The following WSCD1 variants were observed in gnomAD, a reference collection of about 807,000 sequenced individuals.
WSCD1 encodes the protein sialate:O-sulfotransferase 1.
Under a neutral mutation model 60.4 loss-of-function variants are expected in WSCD1, and 41 were observed. The ratio of observed to expected loss-of-function variants is 0.68; its 90% CI spans 0.53 to 0.88. WSCD1 has a LOEUF of 0.88. Among genes scored for constraint, WSCD1 ranks in the 40% least tolerant of loss-of-function variants. The pLI is 0.00. For missense variants in WSCD1, 784 were observed against 796.2 expected (o/e 0.98, Z 0.18); for synonymous variants, 361 against 332.5 (o/e 1.09, Z -0.93).
Position 6,110,696 on chromosome 17 carries a change from T to A in WSCD1, c.1010-75T>A. ...ATGGGAGTCTTCGTTCATCAGTTCC[T>A]CTAAGGGAGTTTAGTGGTGAATTGG... On this transcript the variant is annotated intron_variant, in intron 6 of 8. Coordinates refer to ENST00000317744, the MANE Select transcript of WSCD1 (RefSeq NM_015253.2). The surrounding 1 kb of genome is among the most constrained non-coding windows in gnomAD (Gnocchi z 4.8). The A allele has an allele frequency of 2.6e-6, 4 of 1,528,938 alleles. No homozygotes were observed. The highest frequency in any genetic ancestry group is 2.7e-6 in the Non-Finnish European group (3 of 1,128,092). 94.7% of individuals were successfully genotyped at this position (1,528,938 alleles called of 1,614,324 possible). A position where few individuals can be genotyped will look rare whatever the true frequency, so the allele number is the denominator to read the frequency against.
At chr17:6,106,946 C>A (rs1017260707) in intron 5 of WSCD1, among the ~76,000 whole-genome samples, 8 of 152,128 alleles carry the variant, frequency 5.3e-5, no homozygotes, top group Non-Finnish European at 1.2e-4. Context: ...GCAAGGAAAC[C>A]ACTGCATTCA....
chr17:6,076,575 G>C (rs1025267138), intron 1 of WSCD1, among the ~76,000 whole-genome samples: 2 of 152,124 alleles, frequency 1.3e-5, no homozygotes, highest in Admixed American at 6.6e-5. Context: ...GAGTAGCGGA[G>C]GTTTCATGTC....
chr17:6,069,800 TGC>T (rs1491477815), upstream of WSCD1, among the ~76,000 whole-genome samples: 2,490 of 32,038 alleles, frequency 0.078, 27 homozygotes, highest in African/African-American at 0.18. Context: ...TGTGTGTGTG[TGC>T]GTGCGTGTGT....
chr17:6,096,688 G>A (rs983878256), intron 5 of WSCD1, among the ~76,000 whole-genome samples: 1 of 152,326 alleles, frequency 6.6e-6, no homozygotes, highest in African/African-American at 2.4e-5. Flanking sequence ...CCTCCTCATG[G>A]GAGCAGAGCG....
intron 5 of WSCD1, among the ~76,000 whole-genome samples, chr17:6,098,467 C>G (rs1187654589): frequency 6.6e-6 from 1 of 152,334 alleles, no homozygotes; most frequent in Middle Eastern, 3.4e-3. Context: ...TTGTCCATCT[C>G]CCCTCACAAC....
At position 6,120,407 on chromosome 17, in the gene WSCD1, G is replaced by C. The variant is rs1567563602; in HGVS notation, c.1474G>C (p.Glu492Gln). 10 of 1,614,064 alleles carry C rather than the reference G, an allele frequency of 6.2e-6. No individual in the cohort carries two copies. The highest frequency in any genetic ancestry group is 6.8e-6 in the Non-Finnish European group (8 of 1,180,038). ...GCGGCTGCTGGTGGTGCACTACGAG[G>C]AGCTGCGGCGCAGCCTGGTGCCCAC... ...GKRLLVVHYE[E>Q]LRRSLVPTLR... Residue 492 changes from glutamate (E) to glutamine (Q), a missense_variant, in exon 9 of 9, where the codon GAG becomes CAG. By Grantham distance (29) the Glu-to-Gln change is conservative. Transcript: ENST00000317744.
Position 6,122,746 on chromosome 17 carries a change from A to C in WSCD1, c.*2085A>C, listed in dbSNP as rs536429074. 6.6e-6 allele frequency: 1 copy of C among 152,452 alleles called. No homozygotes were observed. The highest frequency in any genetic ancestry group is 2.4e-5 in the African/African-American group (1 of 41,576). 9.4% of individuals were successfully genotyped at this position (152,452 alleles called of 1,614,324 possible). ...CTTTTCCTGGTAGTTGGATTGGTAC[A>C]TTCACTGCTGCCAGGTACCCAGAGA... On this transcript the variant is annotated 3_prime_UTR_variant, in exon 9 of 9. Transcript: ENST00000317744.
At chr17:6,095,290 G>A (rs928977886) in intron 5 of WSCD1, 67 bp downstream of exon 5, 9 of 1,531,856 alleles carry the variant, frequency 5.9e-6, no homozygotes, top group Admixed American at 2.0e-5. Context: ...AGAGAGGGGG[G>A]CACATGTGCT....
rs765907972 is a variant in WSCD1, at chr17:6,120,594, G to A, written c.1661G>A (p.Arg554Gln). ...AAAGACTTGATCAATGGCTACATCC[G>A]GACGGTGGACCAAGCCCTGCGTGAC... ...EMKDLINGYI[R>Q]TVDQALRDHN... Residue 554 changes from arginine to glutamine, a missense_variant, in exon 9 of 9, where the codon CGG becomes CAG. Arg to Gln is a conservative substitution (Grantham distance 43). Coordinates refer to ENST00000317744, the MANE Select transcript of WSCD1 (RefSeq NM_015253.2). The A allele has an allele frequency of 3.7e-5, 60 of 1,613,470 alleles. No individual in the cohort carries two copies. Among genetic ancestry groups the A allele is most frequent in the Admixed American group, 6.7e-5 (4 of 60,014 alleles).
At chr17:6,113,474 A>C (rs1434937724) in intron 7 of WSCD1, among the ~76,000 whole-genome samples, 1 of 152,230 alleles carries the variant, frequency 6.6e-6, no homozygotes, top group Non-Finnish European at 1.5e-5. Flanking sequence ...GAGCACAGAC[A>C]ACAAAAGCAA....
intron 1 of WSCD1, among the ~76,000 whole-genome samples, chr17:6,071,462 C>T (rs1908541688): frequency 6.6e-6 from 1 of 152,192 alleles, no homozygotes; most frequent in South Asian, 2.1e-4. Context: ...CCTCATAGCC[C>T]TGCACTGGGA....
rs572813661 is a variant in WSCD1 at position 6,090,473 on chromosome 17, G to A, written c.695G>A (p.Arg232His). The A allele has an allele frequency of 9.9e-6, 16 of 1,612,814 alleles. No homozygotes were observed. Among genetic ancestry groups the A allele is most frequent in the East Asian group, 4.5e-5 (2 of 44,728 alleles). Residue 232 changes from arginine (R) to histidine (H), a missense_variant, in exon 4 of 9, where the codon CGT becomes CAT. Transcript: ENST00000317744. ...CGAVDRLSVY[R>H]VDELQPGSRK... ...GCTGTGGACCGGCTCTCCGTGTACC[G>A]TGTGGACGAGCTGCAGCCGGGCTCC...
intron 5 of WSCD1, among the ~76,000 whole-genome samples, chr17:6,107,926 G>C (rs577370770): frequency 1.3e-5 from 2 of 152,136 alleles, no homozygotes; most frequent in South Asian, 2.1e-4. Flanking sequence ...CTAGTTGGAC[G>C]TACTACCGAG....
chr17:6,106,038 T>C (rs896480893), intron 5 of WSCD1, among the ~76,000 whole-genome samples: 1 of 152,240 alleles, frequency 6.6e-6, no homozygotes, highest in South Asian at 2.1e-4. Context: ...ATTCATTCAC[T>C]CATTCATTCA....
chr17:6,072,669 T>C (rs1908615261), intron 1 of WSCD1, among the ~76,000 whole-genome samples: 1 of 152,240 alleles, frequency 6.6e-6, no homozygotes, highest in African/African-American at 2.4e-5. Context: ...AGCTGGGCCC[T>C]AACATCCAGG....
intron 5 of WSCD1, among the ~76,000 whole-genome samples, chr17:6,099,360 C>A (rs1910649747): frequency 1.3e-5 from 2 of 151,928 alleles, no homozygotes; most frequent in Non-Finnish European, 2.9e-5. Context: ...ACTAAAAATA[C>A]AAAAATTAGC....
chr17:6,085,836 C>T lies in WSCD1; in HGVS notation c.428-2154C>T, dbSNP rs1055092371. Among the ~76,000 whole-genome samples, 3 of 152,304 alleles carry T rather than the reference C, an allele frequency of 2.0e-5. No homozygotes were observed. In the South Asian group the frequency reaches 6.2e-4, roughly 32 times the overall value. ...AGTAGGCAGGCAGAGGAGAAGGATC[C>T]ATTCTCACTGACCCGGGTGAAAGCT... On this transcript the variant is annotated intron_variant, in intron 2 of 8. Transcript: ENST00000317744.
chr17:6,111,724 A>AAAAAAG (rs1555528915), intron 7 of WSCD1, among the ~76,000 whole-genome samples: 3 of 55,254 alleles, frequency 5.4e-5, no homozygotes, highest in Non-Finnish European at 9.5e-5. Flanking sequence ...AAAAAAAAAA[A>AAAAAAG]GAGCAAGGAA....
chr17:6,094,724 G>T (rs1910292323), intron 4 of WSCD1, among the ~76,000 whole-genome samples: 1 of 148,940 alleles, frequency 6.7e-6, no homozygotes, highest in Non-Finnish European at 1.5e-5. Flanking sequence ...AAGGAAGAAA[G>T]GGAGGGAGGG....
Sources: gnomAD v4.1 joint callset for allele counts (sites outside exome capture counted in the v4.1 genomes callset) on GRCh38, gnomAD v4.1.1 for gene constraint, Gnocchi (gnomAD v3.1) non-coding constraint, MANE v1.5 for transcripts, NCBI Gene and HGNC (gene_info 2026-07-23, HGNC 2026-07-21) for gene names.